RFC1: variants seen among roughly 807,000 people sequenced by gnomAD.
The protein encoded by RFC1 is A1 140 kDa subunit.
RFC1 carries 37 observed loss-of-function variants against 137.4 expected under a neutral mutation model. The ratio of observed to expected loss-of-function variants is 0.27; its 90% confidence interval spans 0.21 to 0.35. The LOEUF is 0.35. Among genes scored for constraint, RFC1 ranks in the 10% least tolerant of loss-of-function variants. RFC1 has a pLI of 1.00. For synonymous variants in RFC1, 429 were observed against 455.7 expected, an observed-to-expected ratio of 0.94 and a Z score of 0.75; for missense variants, 1,205 against 1,358.5, an observed-to-expected ratio of 0.89 and a Z score of 1.78.
At chr4:39,347,635 A>G (rs1295923502) in intron 2 of RFC1, among the ~76,000 whole-genome samples, 1 of 152,240 alleles carries the variant, frequency 6.6e-6, no homozygotes, top group Non-Finnish European at 1.5e-5. Context: ...TCTAGCATGT[A>G]GAAAAAGCCT....
chr4:39,300,191 T>C, intron 20 of RFC1, 53 bp from the exon 21 acceptor site: 2 of 1,610,426 alleles, frequency 1.2e-6, no homozygotes, highest in Admixed American at 3.3e-5. Flanking sequence ...CCAGGTCCCT[T>C]CTTCACGGGT....
intron 10 of RFC1, among the ~76,000 whole-genome samples, chr4:39,313,769 G>A (rs991442275): frequency 2.6e-5 from 4 of 152,146 alleles, no homozygotes; most frequent in African/African-American, 7.2e-5. Context: ...GTGTGAGCTC[G>A]TGCCTTCCTC....
intron 2 of RFC1, among the ~76,000 whole-genome samples, chr4:39,346,601 A>C (rs1281081067): frequency 6.6e-6 from 1 of 152,234 alleles, no homozygotes; most frequent in Non-Finnish European, 1.5e-5. Flanking sequence ...CAGTGAAAAA[A>C]CTGATTGTAA....
At chr4:39,361,102 A>C (rs1377510808) in intron 1 of RFC1, among the ~76,000 whole-genome samples, 1 of 152,192 alleles carries the variant, frequency 6.6e-6, no homozygotes, top group Non-Finnish European at 1.5e-5. Context: ...ATTGTGAAGT[A>C]TTTAAGCCAG....
At chr4:39,353,726 T>A (rs745308070) in intron 1 of RFC1, among the ~76,000 whole-genome samples, 1 of 152,174 alleles carries the variant, frequency 6.6e-6, no homozygotes, top group African/African-American at 2.4e-5. Context: ...ACTCAAACAA[T>A]CATGACTGTT....
At chr4:39,299,786 G>A (rs999492968) in intron 21 of RFC1, among the ~76,000 whole-genome samples, 3 of 151,960 alleles carry the variant, frequency 2.0e-5, no homozygotes, top group African/African-American at 7.3e-5. Context: ...ATGGTGGCGG[G>A]CACCTGTAGT....
chr4:39,349,032 G>A (rs867340521), intron 2 of RFC1, among the ~76,000 whole-genome samples: 1 of 150,170 alleles, frequency 6.7e-6, no homozygotes, highest in South Asian at 2.1e-4. Flanking sequence ...TATTTTAGAA[G>A]CACATTCCTT....
intron 3 of RFC1, among the ~76,000 whole-genome samples, chr4:39,343,637 C>G (rs919314173): frequency 2.0e-5 from 3 of 152,138 alleles, no homozygotes; most frequent in African/African-American, 7.2e-5. Context: ...AAACAAATGT[C>G]CAGTTTCCCA....
chr4:39,296,047 C>A (rs888687640), intron 21 of RFC1: 2 of 265,308 alleles, frequency 7.5e-6, no homozygotes, highest in South Asian at 1.5e-4. Flanking sequence ...ATACCGGTTA[C>A]CTCACCGATG....
In RFC1 at chr4:39,345,417, CCT is replaced by C; in HGVS notation, c.190_191del (p.Arg64AspfsTer4). 6.2e-7 allele frequency: 1 copy of C among 1,613,840 alleles called. No individual in the cohort carries two copies. The highest frequency in any genetic ancestry group is 8.5e-7 in the Non-Finnish European group (1 of 1,179,848). ...FKQKQPSKKK[R>X]IIYDSDSESE... ...AATTATTACCTGAATCATAGATGAT[CCT>C]CTTTTTCTTGCTTGGTTGCTTTTGT... On this transcript the variant is annotated frameshift_variant, in exon 3 of 25. Transcript: ENST00000349703. LOFTEE classifies it high-confidence loss of function.
intron 9 of RFC1, among the ~76,000 whole-genome samples, chr4:39,318,556 C>G (rs1401056315): frequency 6.6e-6 from 1 of 152,162 alleles, no homozygotes. Context: ...CGTTTCCAAC[C>G]AAAACTGCTT....
intron 9 of RFC1, among the ~76,000 whole-genome samples, chr4:39,318,497 G>C (rs966544432): frequency 2.6e-5 from 4 of 152,200 alleles, no homozygotes; most frequent in Admixed American, 2.0e-4. Context: ...TATGAAGTCA[G>C]AATTATTTGA....
chr4:39,354,543 A>G (rs1204087348), intron 1 of RFC1, among the ~76,000 whole-genome samples: 2 of 152,126 alleles, frequency 1.3e-5, no homozygotes, highest in Non-Finnish European at 2.9e-5. Flanking sequence ...AAGTCCCTCA[A>G]AGCAGAACAT....
At chr4:39,296,747 T>C (rs1001517797) in intron 21 of RFC1, among the ~76,000 whole-genome samples, 24 of 150,844 alleles carry the variant, frequency 1.6e-4, no homozygotes, top group African/African-American at 5.6e-4. Context: ...GCATGATTTA[T>C]AGTCATTTGG....
chr4:39,293,936 C>G (rs932740386), intron 22 of RFC1, among the ~76,000 whole-genome samples: 34 of 152,210 alleles, frequency 2.2e-4, no homozygotes, highest in Admixed American at 1.3e-4. Flanking sequence ...ACCTGCATGT[C>G]TTGGCTGATG....
At chr4:39,291,107 T>C (rs942011071) in intron 23 of RFC1, among the ~76,000 whole-genome samples, 1 of 152,044 alleles carries the variant, frequency 6.6e-6, no homozygotes, top group Admixed American at 6.5e-5. Context: ...GGTGCAAGAG[T>C]TGGGTATTGG....
chr4:39,365,501 A>T (rs1741979862), intron 1 of RFC1: 2 of 985,180 alleles, frequency 2.0e-6, no homozygotes, highest in Admixed American at 1.2e-4. Flanking sequence ...TAATCATTTC[A>T]CTTTCAATTT....
At chr4:39,300,664 G>A (rs1468895516) in intron 19 of RFC1, among the ~76,000 whole-genome samples, 2 of 152,152 alleles carry the variant, frequency 1.3e-5, no homozygotes, top group African/African-American at 2.4e-5. Flanking sequence ...TTTACAAGCA[G>A]TTTTATTTAT....
intron 10 of RFC1, among the ~76,000 whole-genome samples, chr4:39,315,788 G>A (rs535538567): frequency 6.6e-6 from 1 of 152,134 alleles, no homozygotes; most frequent in South Asian, 2.1e-4. Flanking sequence ...CATTTTCACT[G>A]CTCCCCCAGA....
Sources: allele counts gnomAD v4.1 joint callset (sites outside exome capture counted in the v4.1 genomes callset), GRCh38; gene constraint gnomAD v4.1.1; transcripts MANE v1.5; gene names NCBI Gene and HGNC (gene_info 2026-07-23, HGNC 2026-07-21).